FUT9: variants seen among roughly 807,000 people sequenced by gnomAD.
FUT9 encodes the protein 4-galactosyl-N-acetylglucosaminide 3-alpha-L-fucosyltransferase 9.
A neutral mutation model predicts 29.7 loss-of-function variants in FUT9; 15 were observed. The observed-to-expected ratio is 0.51, with a 90% CI of 0.34 to 0.78. The LOEUF (loss-of-function observed/expected upper bound fraction) is 0.78, where lower values mean the gene tolerates loss of function less well. Among genes scored for constraint, FUT9 ranks in the 30% least tolerant of loss-of-function variants. FUT9 has a pLI of 0.01. For missense variants in FUT9, 319 were observed against 425.4 expected (o/e 0.75, Z 2.20); for synonymous variants, 169 against 153.7 (o/e 1.10, Z -0.74).
chr6:96,159,747 A>G (rs1340258699), intron 2 of FUT9, among the ~76,000 whole-genome samples: 1 of 152,152 alleles, frequency 6.6e-6, no homozygotes, highest in African/African-American at 2.4e-5. Context: ...AAAATGATTG[A>G]ATGAATCAAG....
chr6:96,128,827 A>C (rs1032950220), intron 2 of FUT9, among the ~76,000 whole-genome samples: 1 of 152,098 alleles, frequency 6.6e-6, no homozygotes, highest in Admixed American at 6.6e-5. Context: ...AGACAGATTA[A>C]AATATCAAAC....
intron 2 of FUT9, among the ~76,000 whole-genome samples, chr6:96,146,945 T>G (rs559750202): frequency 6.6e-6 from 1 of 152,284 alleles, no homozygotes; most frequent in African/African-American, 2.4e-5. Flanking sequence ...TTTAGCTCCT[T>G]TATTATATCA....
chr6:96,165,436 GAA>G (rs141641119), intron 2 of FUT9, among the ~76,000 whole-genome samples: 1 of 136,724 alleles, frequency 7.3e-6, no homozygotes, highest in African/African-American at 2.9e-5. Flanking sequence ...ATCTCAAAAA[GAA>G]AAAAAAAGAG....
At chr6:96,030,877 A>C (rs1218874501) in intron 1 of FUT9, among the ~76,000 whole-genome samples, 1 of 151,616 alleles carries the variant, frequency 6.6e-6, no homozygotes, top group East Asian at 1.9e-4. Flanking sequence ...CAACATTAAA[A>C]AAATAAAAAC....
intron 2 of FUT9, among the ~76,000 whole-genome samples, chr6:96,195,703 T>A (rs1773612099): frequency 6.6e-6 from 1 of 152,212 alleles, no homozygotes; most frequent in Admixed American, 6.5e-5. Context: ...TTGTTTTTAA[T>A]CTTGCACGTG....
chr6:96,063,309 G>A (rs1241668266), intron 1 of FUT9, among the ~76,000 whole-genome samples: 1 of 152,152 alleles, frequency 6.6e-6, no homozygotes, highest in Non-Finnish European at 1.5e-5. Context: ...AGGAAGTATG[G>A]TGCCAACATC....
intron 1 of FUT9, among the ~76,000 whole-genome samples, chr6:96,031,144 G>T (rs1276982214): frequency 1.3e-5 from 2 of 151,490 alleles, no homozygotes; most frequent in East Asian, 3.9e-4. Context: ...AGTCCCATTA[G>T]GTAGGTCTAC....
rs1773954052 is a variant in FUT9, at chr6:96,212,380, G to A, written c.*8145G>A. 4 of 412,350 alleles carry A rather than the reference G, an allele frequency of 9.7e-6. No individual in the cohort carries two copies. Among genetic ancestry groups the A allele is most frequent in the Non-Finnish European group, 1.8e-5 (4 of 225,322 alleles). The allele number at this position is 412,350 out of a possible 1,614,324, so 25.5% of individuals were successfully genotyped here. On this transcript the variant is annotated 3_prime_UTR_variant, in exon 3 of 3. Coordinates refer to ENST00000302103, the MANE Select transcript of FUT9 (RefSeq NM_006581.4). ...GGTTTTCTGCCTCAAGAGTCCTTAA[G>A]CAAATGAAGATTATCTGATTGTCTA... is the stretch of plus-strand genomic sequence containing the variant.
intron 2 of FUT9, among the ~76,000 whole-genome samples, chr6:96,142,549 A>C (rs964931394): frequency 6.6e-6 from 1 of 152,194 alleles, no homozygotes; most frequent in African/African-American, 2.4e-5. Flanking sequence ...TCATTAACTA[A>C]GATAGCACAA....
intron 1 of FUT9, among the ~76,000 whole-genome samples, chr6:96,110,699 T>C (rs1406216894): frequency 2.0e-5 from 3 of 152,190 alleles, no homozygotes; most frequent in African/African-American, 7.2e-5. Flanking sequence ...TATCATTCTG[T>C]TGCCAAGGCT....
intron 1 of FUT9, among the ~76,000 whole-genome samples, chr6:96,042,899 T>C (rs1582189020): frequency 6.6e-6 from 1 of 152,238 alleles, no homozygotes; most frequent in Non-Finnish European, 1.5e-5. Context: ...CGATAAACTA[T>C]GTACTTAGCA....
intron 1 of FUT9, among the ~76,000 whole-genome samples, chr6:96,092,053 T>C (rs1771420129): frequency 6.6e-6 from 1 of 152,026 alleles, no homozygotes; most frequent in Non-Finnish European, 1.5e-5. Flanking sequence ...AATAGTGCAA[T>C]TAAAAATAGT....
chr6:96,147,762 T>C (rs1323543400), intron 2 of FUT9, among the ~76,000 whole-genome samples: 1 of 150,450 alleles, frequency 6.6e-6, no homozygotes, highest in South Asian at 2.1e-4. Flanking sequence ...TCATACAGAG[T>C]GCTAACACAT....
intron 2 of FUT9, among the ~76,000 whole-genome samples, chr6:96,176,433 A>C (rs1019705238): frequency 6.6e-6 from 1 of 152,052 alleles, no homozygotes; most frequent in Non-Finnish European, 1.5e-5. Flanking sequence ...CTATGTTGCA[A>C]CTACTCAACT....
At position 96,207,056 on chromosome 6, in the gene FUT9, C is replaced by T. The variant is rs947116528; in HGVS notation, c.*2821C>T. 2 of 166,960 alleles carry T rather than the reference C, an allele frequency of 1.2e-5. No homozygotes were observed. Among genetic ancestry groups the T allele is most frequent in the Non-Finnish European group, 2.9e-5 (2 of 68,100 alleles). 10.3% of individuals were successfully genotyped at this position (166,960 alleles called of 1,614,324 possible). ...AATTTGAAGTGGAAGAATTAAATGA[C>T]TCAATGGAACCCTTTAGCTGTGGGT... On this transcript the variant is annotated 3_prime_UTR_variant, in exon 3 of 3. Transcript: ENST00000302103.
intron 1 of FUT9, among the ~76,000 whole-genome samples, chr6:96,083,760 C>A (rs1318611138): frequency 6.6e-6 from 1 of 152,066 alleles, no homozygotes; most frequent in Non-Finnish European, 1.5e-5. Flanking sequence ...AAAAGAAATT[C>A]ACCCTCTTTT....
chr6:96,177,495 G>A (rs200601939), intron 2 of FUT9, among the ~76,000 whole-genome samples: 9 of 152,014 alleles, frequency 5.9e-5, no homozygotes, highest in Non-Finnish European at 1.3e-4. Flanking sequence ...TTGACCACCT[G>A]CTATATAAAA....
chr6:96,121,133 A>C (rs1405592185), intron 2 of FUT9, among the ~76,000 whole-genome samples: 1 of 152,170 alleles, frequency 6.6e-6, no homozygotes, highest in Non-Finnish European at 1.5e-5. Context: ...TAACTAAAAA[A>C]TTAACATTAA....
At position 96,206,664 on chromosome 6, in the gene FUT9, G is replaced by A. The variant is rs1773836131; in HGVS notation, c.*2429G>A. On this transcript the variant is annotated 3_prime_UTR_variant, in exon 3 of 3. Transcript: ENST00000302103. ...TTTTAGTAGAGATGGGTTTCACTGT[G>A]TTGGCCAGGCTGGTCTTGAACTCCT... The A allele has an allele frequency of 1.2e-5, 2 of 161,346 alleles. No homozygotes were observed. Among genetic ancestry groups the A allele is most frequent in the East Asian group, 3.9e-4 (2 of 5,176 alleles). The allele number at this position is 161,346 out of a possible 1,614,324, so 10.0% of individuals were successfully genotyped here.
Sources: allele counts gnomAD v4.1 joint callset (sites outside exome capture counted in the v4.1 genomes callset), GRCh38; gene constraint gnomAD v4.1.1; transcripts MANE v1.5; gene names NCBI Gene and HGNC (gene_info 2026-07-23, HGNC 2026-07-21).